The following SLC25A13 variants were observed in gnomAD, a reference collection of about 807,000 sequenced individuals.
SLC25A13 encodes solute carrier family 25 member 13, also known as electrogenic aspartate/glutamate antiporter SLC25A13, mitochondrial.
In SLC25A13, 70 loss-of-function variants were observed where a neutral mutation model predicts 85.5. The observed-to-expected ratio is 0.82, with a 90% CI of 0.68 to 1.00. The LOEUF (loss-of-function observed/expected upper bound fraction) is 1.00. Ranked by LOEUF, SLC25A13 falls within the 50% of genes least tolerant of loss-of-function variation. The pLI, the probability that SLC25A13 is intolerant of heterozygous loss-of-function variation, is 0.00. For missense variants in SLC25A13, 765 were observed against 819.8 expected (o/e 0.93, Z 0.82); for synonymous variants, 259 against 288.7 (o/e 0.90, Z 1.04).
At chr7:96,181,203 A>C (rs1222178302) in intron 11 of SLC25A13, among the ~76,000 whole-genome samples, 1 of 152,240 alleles carries the variant, frequency 6.6e-6, no homozygotes, top group Non-Finnish European at 1.5e-5. Context: ...TAAAACTTAC[A>C]CAAAAATAGG....
chr7:96,190,984 C>T (rs1228129875), intron 7 of SLC25A13, 125 bp downstream of exon 7: 26 of 1,177,276 alleles, frequency 2.2e-5, no homozygotes, highest in Non-Finnish European at 3.0e-5. Flanking sequence ...GAAAAACACA[C>T]GTTATCATAT....
At chr7:96,267,907 C>T (rs1427073967) in intron 3 of SLC25A13, among the ~76,000 whole-genome samples, 1 of 152,130 alleles carries the variant, frequency 6.6e-6, no homozygotes, top group Non-Finnish European at 1.5e-5. Flanking sequence ...AGCTTCATCA[C>T]TAGCAAACTG....
At chr7:96,204,124 A>C (rs1408992771) in intron 5 of SLC25A13, among the ~76,000 whole-genome samples, 4 of 152,202 alleles carry the variant, frequency 2.6e-5, no homozygotes, top group Admixed American at 6.5e-5. Flanking sequence ...TAAATGCAAA[A>C]TTTTACCATA....
intron 4 of SLC25A13, among the ~76,000 whole-genome samples, chr7:96,224,526 T>C (rs1796259846): frequency 6.6e-6 from 1 of 152,036 alleles, no homozygotes; most frequent in Non-Finnish European, 1.5e-5. Flanking sequence ...TTCCCTATCG[T>C]CCTGTGATTC....
chr7:96,225,708 A>G lies in SLC25A13; in HGVS notation c.328+9094T>C, dbSNP rs145342616. On this transcript the variant is annotated intron_variant, in intron 4 of 17. Coordinates refer to ENST00000265631, the MANE Select transcript of SLC25A13 (RefSeq NM_014251.3). ...AGCTCCAACCCTTCATGGAATACAA[A>G]GCCCATATCATGCCAGTTCAGTATT... Among the ~76,000 whole-genome samples, 236 of 152,200 alleles carry G rather than the reference A, an allele frequency of 1.6e-3. 3 individuals are homozygous for G. The highest frequency in any genetic ancestry group is 5.5e-3 in the African/African-American group (228 of 41,508).
chr7:96,206,054 T>C (rs749563988), intron 5 of SLC25A13, among the ~76,000 whole-genome samples: 2 of 152,176 alleles, frequency 1.3e-5, no homozygotes, highest in African/African-American at 4.8e-5. Context: ...CAACCTGAGC[T>C]ATCTTCTAGG....
At chr7:96,224,091 A>G (rs1796240994) in intron 4 of SLC25A13, among the ~76,000 whole-genome samples, 2 of 152,250 alleles carry the variant, frequency 1.3e-5, no homozygotes, top group Non-Finnish European at 2.9e-5. Context: ...AGAAACTATC[A>G]CTCACAACAT....
At chr7:96,176,884 T>C (rs1338518379) in intron 11 of SLC25A13, among the ~76,000 whole-genome samples, 1 of 152,144 alleles carries the variant, frequency 6.6e-6, no homozygotes, top group Non-Finnish European at 1.5e-5. Context: ...GCTTTGGAGG[T>C]GGACAGACCT....
intron 5 of SLC25A13, among the ~76,000 whole-genome samples, chr7:96,195,849 C>T (rs1285279091): frequency 6.6e-6 from 1 of 152,192 alleles, no homozygotes; most frequent in African/African-American, 2.4e-5. Context: ...CTGGAAATAA[C>T]TGATGTCCCT....
At chr7:96,168,373 A>C (rs929818252) in intron 13 of SLC25A13, among the ~76,000 whole-genome samples, 3 of 152,194 alleles carry the variant, frequency 2.0e-5, no homozygotes, top group African/African-American at 7.2e-5. Flanking sequence ...TATTTTAAGT[A>C]GCTGTAAAGC....
In SLC25A13 at chr7:96,121,866, G is replaced by A; in HGVS notation, c.1723C>T (p.Pro575Ser). Residue 575 changes from proline (P) to serine (S), a missense_variant, in exon 16 of 18, where the codon CCA becomes TCA. By Grantham distance (74) the Pro-to-Ser change is moderately conservative. Transcript: ENST00000265631. Reference protein sequence around the residue: ...CFRKILREEGPKALWKGAGAR... With the variant: ...CFRKILREEGSKALWKGAGAR... The stretch of plus-strand genomic sequence containing the variant: ...CCAGCTCCCTTCCACAGAGCTTTTG[G>A]TCCTTCTTCACGCAGTATCTTTCTA... 1 of 1,614,094 alleles carries A rather than the reference G, an allele frequency of 6.2e-7. No homozygotes were observed.
chr7:96,187,491 C>A (rs886679738), intron 9 of SLC25A13, among the ~76,000 whole-genome samples: 7 of 152,082 alleles, frequency 4.6e-5, no homozygotes, highest in African/African-American at 1.7e-4. Context: ...ATCAATAGTA[C>A]CTTCATTTTG....
At chr7:96,182,914 G>T (rs1416169478) in intron 11 of SLC25A13, among the ~76,000 whole-genome samples, 2 of 152,154 alleles carry the variant, frequency 1.3e-5, no homozygotes, top group African/African-American at 2.4e-5. Context: ...CTTGAGACTC[G>T]AGATTTCCCT....
intron 2 of SLC25A13, among the ~76,000 whole-genome samples, chr7:96,295,407 GTAA>G (rs1799308662): frequency 6.6e-6 from 1 of 152,044 alleles, no homozygotes; most frequent in African/African-American, 2.4e-5. Flanking sequence ...AGAGAACAGT[GTAA>G]TAAACCCAAT....
intron 14 of SLC25A13, among the ~76,000 whole-genome samples, chr7:96,136,847 C>T (rs984275696): frequency 9.9e-5 from 15 of 152,234 alleles, no homozygotes; most frequent in East Asian, 9.6e-4. Flanking sequence ...TTGTCTAGCA[C>T]GGGGAAAATG....
intron 4 of SLC25A13, chr7:96,219,901 C>T: frequency 2.8e-6 from 1 of 358,006 alleles, no homozygotes; most frequent in Non-Finnish European, 5.6e-6. Flanking sequence ...AACCATCTGT[C>T]ACACACACTA....
chr7:96,152,006 T>C (rs115757666), intron 13 of SLC25A13, among the ~76,000 whole-genome samples: 1,675 of 152,116 alleles, frequency 0.011, 23 homozygotes, highest in African/African-American at 0.039. Flanking sequence ...CTACAAAAAG[T>C]AAAGGAGGCT....
chr7:96,123,416 A>G (rs1353055112), intron 15 of SLC25A13, among the ~76,000 whole-genome samples: 3 of 152,232 alleles, frequency 2.0e-5, no homozygotes, highest in Non-Finnish European at 4.4e-5. Flanking sequence ...AATGGTGGGC[A>G]GGCATGTCAG....
At chr7:96,210,324 G>GA (rs1170444234) in intron 4 of SLC25A13, among the ~76,000 whole-genome samples, 3 of 151,924 alleles carry the variant, frequency 2.0e-5, no homozygotes, top group South Asian at 2.1e-4. Flanking sequence ...TACTTTTAGG[G>GA]AAAAAAGAGA....
Sources: gnomAD v4.1 joint callset for allele counts (sites outside exome capture counted in the v4.1 genomes callset) on GRCh38, gnomAD v4.1.1 for gene constraint, MANE v1.5 for transcripts, NCBI Gene and HGNC (gene_info 2026-07-23, HGNC 2026-07-21) for gene names.